The following RAB5B variants were observed in gnomAD, a reference collection of about 807,000 sequenced individuals.
The protein encoded by RAB5B is RAB5B, member RAS oncogene family.
In RAB5B, 11 loss-of-function variants were observed where a neutral mutation model predicts 28.6. That is an observed-to-expected ratio of 0.38 (90% CI 0.24 to 0.64). The LOEUF is 0.64. Among genes scored for constraint, RAB5B ranks in the 30% least tolerant of loss-of-function variants. The probability of loss-of-function intolerance (pLI) is 0.53; values close to 1 mark genes in which losing one functional copy is unlikely to be tolerated. For synonymous variants in RAB5B, 93 were observed against 97.9 expected (o/e 0.95, Z 0.29); for missense variants, 169 against 265.6 (o/e 0.64, Z 2.53).
intron 1 of RAB5B, among the ~76,000 whole-genome samples, chr12:55,978,409 C>T (rs373127418): frequency 1.1e-4 from 17 of 151,912 alleles, no homozygotes; most frequent in African/African-American, 4.1e-4. Flanking sequence ...GAGGCTGAAG[C>T]AGGAGAATGG....
intron 2 of RAB5B, among the ~76,000 whole-genome samples, chr12:55,988,346 C>A (rs1234182315): frequency 6.6e-6 from 1 of 152,072 alleles, no homozygotes; most frequent in Non-Finnish European, 1.5e-5. Flanking sequence ...AAAAAAAAAT[C>A]TGGTAAAATA....
intron 1 of RAB5B, among the ~76,000 whole-genome samples, chr12:55,978,555 G>C (rs1329106698): frequency 4.6e-5 from 7 of 152,176 alleles, no homozygotes; most frequent in Middle Eastern, 3.4e-3. Flanking sequence ...TGTCCAGATG[G>C]TACAGAAAGG....
At chr12:55,989,862 G>C in intron 2 of RAB5B, 85 bp from the exon 3 acceptor site, 1 of 1,466,398 alleles carries the variant, frequency 6.8e-7, no homozygotes, top group South Asian at 1.1e-5. Context: ...CTTAGTGTAG[G>C]GCAGTTACAT....
chr12:55,996,003 A>ATATATATATTTTTTTTTT lies in RAB5B; in HGVS notation c.*3792_*3793insATATATATTTTTTTTTTT. On this transcript the variant is annotated 3_prime_UTR_variant, in exon 6 of 6. Transcript: ENST00000360299. The stretch of plus-strand genomic sequence containing the variant: ...TATATACATATATATATATATATAT[A>ATATATATATTTTTTTTTT]TTTTTTTTTTAACAACTGGTAGGAT... 2.1e-5 allele frequency: 2 copies of ATATATATATTTTTTTTTT among 97,404 alleles called. No individual in the cohort carries two copies. Among genetic ancestry groups the ATATATATATTTTTTTTTT allele is most frequent in the African/African-American group, 4.7e-5 (1 of 21,150 alleles). 6.0% of individuals were successfully genotyped at this position (97,404 alleles called of 1,614,324 possible). A position where few individuals can be genotyped will look rare whatever the true frequency, so the allele number is the denominator to read the frequency against.
rs932365414 is a variant in RAB5B, at chr12:55,993,712, C to G, written c.*1500C>G. 1 of 152,582 alleles carries G rather than the reference C, an allele frequency of 6.6e-6. No individual in the cohort carries two copies. The highest frequency in any genetic ancestry group is 1.5e-5 in the Non-Finnish European group (1 of 68,028). 9.5% of individuals were successfully genotyped at this position (152,582 alleles called of 1,614,324 possible). On this transcript the variant is annotated 3_prime_UTR_variant, in exon 6 of 6. Coordinates refer to ENST00000360299, the MANE Select transcript of RAB5B (RefSeq NM_002868.4). ...CCTTAATCCCCCCATCCCTCCCCATCATGCAACCAGTGGTTTAATCCATGT... is the reference window on the plus strand; with the variant it reads ...CCTTAATCCCCCCATCCCTCCCCATGATGCAACCAGTGGTTTAATCCATGT...
At chr12:55,985,017 ATACTT>A (rs1372460367) in intron 1 of RAB5B, among the ~76,000 whole-genome samples, 3 of 152,352 alleles carry the variant, frequency 2.0e-5, no homozygotes, top group Non-Finnish European at 2.9e-5. Flanking sequence ...AATACTTAAA[ATACTT>A]TAGTTATTTA....
rs1421411666 is a variant in RAB5B, at chr12:55,995,690, C to G, written c.*3478C>G. On this transcript the variant is annotated 3_prime_UTR_variant, in exon 6 of 6. Coordinates refer to ENST00000360299, the MANE Select transcript of RAB5B (RefSeq NM_002868.4). ...GACAAATCTGACATTCTAGGCCTGT[C>G]TCTGTCAACTTAACCAGCTGTGGCC... 2.6e-5 allele frequency: 4 copies of G among 152,144 alleles called. No individual in the cohort carries two copies. The highest frequency in any genetic ancestry group is 9.7e-5 in the African/African-American group (4 of 41,412). The allele number at this position is 152,144 out of a possible 1,614,324, so 9.4% of individuals were successfully genotyped here.
chr12:55,988,718 G>A (rs1412580142), intron 2 of RAB5B, among the ~76,000 whole-genome samples: 1 of 151,994 alleles, frequency 6.6e-6, no homozygotes, highest in African/African-American at 2.4e-5. Context: ...GGCCAGGCTG[G>A]TCTCAAACTC....
At chr12:55,977,892 T>G (rs928747193) in intron 1 of RAB5B, among the ~76,000 whole-genome samples, 2 of 152,224 alleles carry the variant, frequency 1.3e-5, no homozygotes, top group African/African-American at 4.8e-5. Context: ...TGTGGTGTTA[T>G]GGCTCCTTTT....
intron 5 of RAB5B, chr12:55,991,781 G>C: frequency 2.5e-6 from 1 of 396,160 alleles, no homozygotes; most frequent in Non-Finnish European, 4.7e-6. Flanking sequence ...ACAAAAATTA[G>C]CTGGGCGTGG....
intron 1 of RAB5B, among the ~76,000 whole-genome samples, chr12:55,977,561 C>G (rs1397348924): frequency 2.0e-5 from 3 of 152,140 alleles, no homozygotes; most frequent in Admixed American, 6.5e-5. Context: ...AATTTTACTT[C>G]TGAGAAGGAG....
rs945507691 is a variant in RAB5B at position 55,990,557 on chromosome 12, A to T, written c.316-125A>T. On this transcript the variant is annotated intron_variant, in intron 3 of 5. Coordinates refer to ENST00000360299, the MANE Select transcript of RAB5B (RefSeq NM_002868.4). ...CTAAGAAGACAGATAATGAATTATC[A>T]GAGACCTGTGGTTTCACTGAGGGAA... 3.2e-5 allele frequency: 39 copies of T among 1,220,458 alleles called. No homozygotes were observed. The Admixed American group carries it at 8.3e-4, about 26-fold the overall frequency. The allele number at this position is 1,220,458 out of a possible 1,614,324, so 75.6% of individuals were successfully genotyped here.
intron 3 of RAB5B, among the ~76,000 whole-genome samples, chr12:55,990,383 C>G (rs1039161357): frequency 2.0e-5 from 3 of 151,158 alleles, no homozygotes; most frequent in African/African-American, 7.3e-5. Context: ...ACTCTAGCCT[C>G]GGCGACAGAG....
intron 1 of RAB5B, among the ~76,000 whole-genome samples, chr12:55,978,058 C>G (rs1486226302): frequency 6.6e-6 from 1 of 152,214 alleles, no homozygotes; most frequent in Non-Finnish European, 1.5e-5. Context: ...ATTAGGCCAT[C>G]TGAGGCATAG....
chr12:55,996,003 A>ATATATATATATTTTTTT lies in RAB5B; in HGVS notation c.*3792_*3793insATATATATATTTTTTTT. ...TATATACATATATATATATATATAT[A>ATATATATATATTTTTTT]TTTTTTTTTTAACAACTGGTAGGAT... On this transcript the variant is annotated 3_prime_UTR_variant, in exon 6 of 6. Transcript: ENST00000360299. 9.2e-5 allele frequency: 9 copies of ATATATATATATTTTTTT among 97,398 alleles called. No homozygotes were observed. Among genetic ancestry groups the ATATATATATATTTTTTT allele is most frequent in the Non-Finnish European group, 1.8e-4 (9 of 50,476 alleles). 6.0% of individuals were successfully genotyped at this position (97,398 alleles called of 1,614,324 possible).
At position 55,996,003 on chromosome 12, in the gene RAB5B, A is replaced by ATTTTTTTTTTTTTTTT. The variant is rs56291639; in HGVS notation, c.*3801_*3802insTTTTTTTTTTTTTTTT. The ATTTTTTTTTTTTTTTT allele has an allele frequency of 4.1e-5, 4 of 97,398 alleles. No individual in the cohort carries two copies. The highest frequency in any genetic ancestry group is 1.9e-4 in the African/African-American group (4 of 21,140). The allele number at this position is 97,398 out of a possible 1,614,324, so 6.0% of individuals were successfully genotyped here. On this transcript the variant is annotated 3_prime_UTR_variant, in exon 6 of 6. Transcript: ENST00000360299. ...TATATACATATATATATATATATAT[A>ATTTTTTTTTTTTTTTT]TTTTTTTTTTAACAACTGGTAGGAT...
intron 2 of RAB5B, among the ~76,000 whole-genome samples, chr12:55,989,370 GT>G (rs1233789802): frequency 1.3e-5 from 2 of 152,138 alleles, no homozygotes; most frequent in Non-Finnish European, 2.9e-5. Flanking sequence ...CACCTCCCAA[GT>G]TCAAGGGATT....
rs1415097141 is a variant in RAB5B at position 55,991,837 on chromosome 12, T to C, written c.533-260T>C. ...AGCTACTTGGGAGGCTGAGCCAGGATAATCACTTGAACCCGGGAGGTGGAG... is the reference window on the plus strand; with the variant it reads ...AGCTACTTGGGAGGCTGAGCCAGGACAATCACTTGAACCCGGGAGGTGGAG... On this transcript the variant is annotated intron_variant, in intron 5 of 5. Transcript: ENST00000360299. 1.6e-5 allele frequency: 7 copies of C among 446,410 alleles called. No individual in the cohort carries two copies. In the Admixed American group the frequency reaches 2.2e-4, roughly 14 times the overall value. The allele number at this position is 446,410 out of a possible 1,614,324, so 27.7% of individuals were successfully genotyped here. A position where few individuals can be genotyped will look rare whatever the true frequency, so the allele number is the denominator to read the frequency against.
Position 55,992,928 on chromosome 12 carries a change from T to G in RAB5B, c.*716T>G, listed in dbSNP as rs1450193546. On this transcript the variant is annotated 3_prime_UTR_variant, in exon 6 of 6. Transcript: ENST00000360299. ...GTGGAGGTGCAGTGTCAACTGTGGCTCTGTAACTCTTCAAAGGCCCAGTTT... is the reference window on the plus strand; with the variant it reads ...GTGGAGGTGCAGTGTCAACTGTGGCGCTGTAACTCTTCAAAGGCCCAGTTT... The G allele has an allele frequency of 4.5e-6, 1 of 222,334 alleles. No individual in the cohort carries two copies. Among genetic ancestry groups the G allele is most frequent in the Non-Finnish European group, 8.8e-6 (1 of 113,512 alleles). 13.8% of individuals were successfully genotyped at this position (222,334 alleles called of 1,614,324 possible).
Sources: allele counts gnomAD v4.1 joint callset (sites outside exome capture counted in the v4.1 genomes callset), GRCh38; gene constraint gnomAD v4.1.1; transcripts MANE v1.5; gene names NCBI Gene and HGNC (gene_info 2026-07-23, HGNC 2026-07-21).